BRSK2: variants seen among roughly 807,000 people sequenced by gnomAD.
BRSK2 encodes BR serine/threonine kinase 2, also known as serine/threonine-protein kinase BRSK2.
Under a neutral mutation model 83.3 loss-of-function variants are expected in BRSK2, and 19 were observed. That is an observed-to-expected ratio of 0.23 (90% CI 0.16 to 0.33). BRSK2 has a LOEUF of 0.33. Among genes scored for constraint, BRSK2 ranks in the 10% least tolerant of loss-of-function variants. BRSK2 has a pLI of 1.00. For missense variants in BRSK2, 798 were observed against 1,042.3 expected (o/e 0.77, Z 3.23); for synonymous variants, 519 against 435.4 (o/e 1.19, Z -2.39).
rs950878746 is a variant in BRSK2 at position 1,456,820 on chromosome 11, G to T, written c.1939+133G>T. The stretch of plus-strand genomic sequence containing the variant: ...TCTTGACGGACGCCCCCACCTCCCT[G>T]CCCCGAGCTGTGGCTGCACCCCTCA... On this transcript the variant is annotated intron_variant, in intron 18 of 19. Transcript: ENST00000528841. 1.1e-5 allele frequency: 15 copies of T among 1,318,180 alleles called. No individual in the cohort carries two copies. In the East Asian group the frequency reaches 2.5e-4, roughly 22 times the overall value. 81.7% of individuals were successfully genotyped at this position (1,318,180 alleles called of 1,614,324 possible).
chr11:1,427,576 C>T (rs140328134), intron 1 of BRSK2, among the ~76,000 whole-genome samples: 291 of 152,296 alleles, frequency 1.9e-3, no homozygotes, highest in Non-Finnish European at 3.5e-3. Flanking sequence ...CTTGGGCACC[C>T]GCCGGCACAC....
intron 18 of BRSK2, among the ~76,000 whole-genome samples, chr11:1,457,652 G>A (rs1248234848): frequency 6.6e-6 from 1 of 152,124 alleles, no homozygotes; most frequent in African/African-American, 2.4e-5. Flanking sequence ...GACCCTGGGG[G>A]TCCCCTCTCC....
rs1325839277 is a variant in BRSK2 at position 1,460,712 on chromosome 11, G to C, written c.2200G>C (p.Glu734Gln). 31 of 1,454,206 alleles carry C rather than the reference G, an allele frequency of 2.1e-5. No individual in the cohort carries two copies. In the Admixed American group the frequency reaches 2.4e-4, roughly 11 times the overall value. The allele number at this position is 1,454,206 out of a possible 1,614,324, so 90.1% of individuals were successfully genotyped here. The change falls in exon 20 of 20, where the codon GAG (glutamate) becomes CAG (glutamine). Residue 734 changes from glutamate (E) to glutamine (Q), a missense_variant. By Grantham distance (29) the Glu-to-Gln change is conservative. This residue lies in a region of BRSK2 where 455 missense variants were observed against 455.2 expected (regional missense o/e 1.00). Transcript: ENST00000528841. ...AKMGPPTARR[E>Q]QP is the part of the protein sequence containing the mutation. ...GATGGGCCCGCCCACCGCCCGCCGC[G>C]AGCAGCCTTAGACACACTAGCCCCC...
rs549656625 is a variant in BRSK2 at position 1,415,005 on chromosome 11, G to A, written c.92-21035G>A. Reference sequence around the variant, plus strand: ...CCACCTTGTGGCTCTCAGGAGTGGCGCGCTGTGGACGTGTGTGTGAGTACC... The same window carrying A: ...CCACCTTGTGGCTCTCAGGAGTGGCACGCTGTGGACGTGTGTGTGAGTACC... On this transcript the variant is annotated intron_variant, in intron 1 of 19. Transcript: ENST00000528841. 2.1e-3 allele frequency among the ~76,000 whole-genome samples: 324 copies of A among 152,238 alleles called. 1 individual carries two copies. Among genetic ancestry groups the A allele is most frequent in the Non-Finnish European group, 4.1e-3 (277 of 68,010 alleles).
At chr11:1,445,702 G>A (rs1296592882) in intron 11 of BRSK2, 34 bp downstream of exon 11, 8 of 1,611,504 alleles carry the variant, frequency 5.0e-6, no homozygotes, top group Non-Finnish European at 6.8e-6. Flanking sequence ...AGCCCGGCCT[G>A]CACTGCCCCA....
rs1376386174 is a variant in BRSK2, at chr11:1,460,643, C to T, written c.2131C>T (p.Pro711Ser). 2 of 1,529,426 alleles carry T rather than the reference C, an allele frequency of 1.3e-6. No individual in the cohort carries two copies. The highest frequency in any genetic ancestry group is 1.7e-6 in the Non-Finnish European group (2 of 1,143,230). 94.7% of individuals were successfully genotyped at this position (1,529,426 alleles called of 1,614,324 possible). ...TGACTCCGCGGCCGCTGGCCCTGGCCCCGGAGGGGACGCCGAGTACCCAAC... is the reference window on the plus strand; with the variant it reads ...TGACTCCGCGGCCGCTGGCCCTGGCTCCGGAGGGGACGCCGAGTACCCAAC... ...LGDSAAAGPGPGGDAEYPTGK... is the reference protein window; with the variant it reads ...LGDSAAAGPGSGGDAEYPTGK... The change falls in exon 20 of 20, where the codon CCC becomes TCC. Residue 711 changes from proline (P) to serine (S), a missense_variant. Physicochemically the swap from Pro to Ser is moderately conservative, Grantham distance 74. Around this residue, in one of 6 missense-constraint regions of BRSK2, gnomAD observed 455 missense variants for 455.2 expected, o/e 1.00. Transcript: ENST00000528841.
chr11:1,459,324 C>T (rs896023707), intron 19 of BRSK2, 85 bp downstream of exon 19: 83 of 1,481,430 alleles, frequency 5.6e-5, no homozygotes, highest in Non-Finnish European at 7.2e-5. Flanking sequence ...ACCTGCCGCC[C>T]GGGTTGTCCC....
chr11:1,407,444 T>G (rs769794067), intron 1 of BRSK2, among the ~76,000 whole-genome samples: 1 of 152,118 alleles, frequency 6.6e-6, no homozygotes, highest in Non-Finnish European at 1.5e-5. Flanking sequence ...CCCGTCTTCC[T>G]GCACGGGCCT....
intron 19 of BRSK2, among the ~76,000 whole-genome samples, chr11:1,459,739 CCCT>C (rs1292845534): frequency 6.6e-6 from 1 of 152,186 alleles, no homozygotes; most frequent in African/African-American, 2.4e-5. Context: ...CCATTTCCGC[CCCT>C]CTTCTCAGGA....
chr11:1,455,080 A>T (rs1474359178), intron 16 of BRSK2, among the ~76,000 whole-genome samples: 2 of 151,876 alleles, frequency 1.3e-5, no homozygotes, highest in Non-Finnish European at 2.9e-5. Flanking sequence ...CTGCCCTCGG[A>T]GGCCGGGTGG....
intron 1 of BRSK2, chr11:1,411,117 G>A: frequency 8.3e-7 from 1 of 1,199,590 alleles, no homozygotes; most frequent in Non-Finnish European, 1.0e-6. Context: ...TTGGAGACCA[G>A]CTGGGGATCC....
At chr11:1,455,078 G>A (rs555570829) in intron 16 of BRSK2, among the ~76,000 whole-genome samples, 45 of 152,124 alleles carry the variant, frequency 3.0e-4, no homozygotes, top group Non-Finnish European at 4.1e-4. Context: ...CCCTGCCCTC[G>A]GAGGCCGGGT....
chr11:1,407,086 G>A (rs2134084645), intron 1 of BRSK2, among the ~76,000 whole-genome samples: 1 of 152,262 alleles, frequency 6.6e-6, no homozygotes, highest in South Asian at 2.1e-4. Context: ...ACAGCGACTT[G>A]GTAGCCATTC....
chr11:1,459,462 T>C (rs951778320), intron 19 of BRSK2: 33 of 577,264 alleles, frequency 5.7e-5, no homozygotes, highest in African/African-American at 5.1e-4. Flanking sequence ...GACTCACCTC[T>C]GCCAGGCCCT....
intron 1 of BRSK2, among the ~76,000 whole-genome samples, chr11:1,408,242 C>A (rs1847051131): frequency 6.6e-6 from 1 of 152,230 alleles, no homozygotes; most frequent in Admixed American, 6.5e-5. Context: ...TGACCAGTTC[C>A]CCTCCCTGTG....
intron 1 of BRSK2, among the ~76,000 whole-genome samples, chr11:1,400,925 G>A (rs896410751): frequency 3.3e-5 from 5 of 152,250 alleles, no homozygotes; most frequent in African/African-American, 7.2e-5. Context: ...TGCCGGCGGC[G>A]GGGCCGTGTG....
chr11:1,416,069 G>C (rs1848070096), intron 1 of BRSK2, among the ~76,000 whole-genome samples: 1 of 152,274 alleles, frequency 6.6e-6, no homozygotes, highest in African/African-American at 2.4e-5. Flanking sequence ...CTGGTGCACG[G>C]GGACCTTTGC....
chr11:1,443,821 C>T (rs1054902121), intron 8 of BRSK2, among the ~76,000 whole-genome samples, 186 bp downstream of exon 8: 13 of 151,470 alleles, frequency 8.6e-5, no homozygotes, highest in Non-Finnish European at 1.5e-4. Flanking sequence ...CAAATGTGGG[C>T]CCATGGCCGT....
At position 1,456,382 on chromosome 11, in the gene BRSK2, C is replaced by T. The variant is rs754003730; in HGVS notation, c.1703C>T (p.Thr568Met). Residue 568 changes from threonine (T) to methionine (M), a missense_variant, in exon 17 of 20, where the codon ACG becomes ATG. Physicochemically the swap from Thr to Met is moderately conservative, Grantham distance 81. This residue lies in a region of BRSK2 where 455 missense variants were observed against 455.2 expected (regional missense o/e 1.00). Coordinates refer to ENST00000528841, the MANE Select transcript of BRSK2 (RefSeq NM_001256627.2). Reference protein sequence around the residue: ...PSLSHSVISQTSFRAEYKATG... With the variant: ...PSLSHSVISQMSFRAEYKATG... ...CTCAGCCACAGCGTCATCTCCCAAA[C>T]GAGCTTCCGGGCCGAGTACAAGGCC... is the stretch of plus-strand genomic sequence containing the variant. The T allele has an allele frequency of 3.8e-6, 6 of 1,591,528 alleles. No individual in the cohort carries two copies. The highest frequency in any genetic ancestry group is 1.8e-5 in the Admixed American group (1 of 56,504).
Sources: gnomAD v4.1 joint callset for allele counts (sites outside exome capture counted in the v4.1 genomes callset) on GRCh38, gnomAD v4.1.1 for gene constraint, gnomAD v4.1.1 regional missense constraint, MANE v1.5 for transcripts, NCBI Gene and HGNC (gene_info 2026-07-23, HGNC 2026-07-21) for gene names.